Variants in UPF2 observed in about 807,000 individuals in gnomAD.
UPF2 encodes UPF2 regulator of nonsense mediated mRNA decay.
Under a neutral mutation model 141.4 loss-of-function variants are expected in UPF2, and 17 were observed. That is an observed-to-expected ratio of 0.12 (90% confidence interval 0.08 to 0.18). The LOEUF (loss-of-function observed/expected upper bound fraction) is 0.18, where lower values mean the gene tolerates loss of function less well. Ranked by LOEUF, UPF2 falls within the 10% of genes least tolerant of loss-of-function variation. UPF2 has a pLI of 1.00. For missense variants in UPF2, 1,152 were observed against 1,515.9 expected, an observed-to-expected ratio of 0.76 and a Z score of 3.99; for synonymous variants, 540 against 498.0, an observed-to-expected ratio of 1.08 and a Z score of -1.12.
At chr10:12,020,553 T>C (rs1044937870) in intron 3 of UPF2, among the ~76,000 whole-genome samples, 1 of 152,186 alleles carries the variant, frequency 6.6e-6, no homozygotes, top group Admixed American at 6.5e-5. Context: ...TATAAAATCA[T>C]AAAAAGACAG....
chr10:11,932,712 T>C (rs1415193961), intron 19 of UPF2, among the ~76,000 whole-genome samples: 1 of 152,146 alleles, frequency 6.6e-6, no homozygotes, highest in Non-Finnish European at 1.5e-5. Flanking sequence ...GATAAAAATA[T>C]TGAAGTCACT....
intron 1 of UPF2, among the ~76,000 whole-genome samples, chr10:12,038,922 C>T (rs1420132900): frequency 7.3e-6 from 1 of 136,724 alleles, no homozygotes; most frequent in Admixed American, 7.1e-5. Flanking sequence ...CCGCCTCGGC[C>T]TTCCAAAGTG....
chr10:11,924,525 C>A (rs1370415343), intron 21 of UPF2, among the ~76,000 whole-genome samples: 1 of 151,962 alleles, frequency 6.6e-6, no homozygotes, highest in Non-Finnish European at 1.5e-5. Flanking sequence ...GTGCACTGAA[C>A]TGAGATTGTG....
chr10:12,003,827 AAGC>A (rs1259360644), intron 5 of UPF2, among the ~76,000 whole-genome samples: 1 of 140,670 alleles, frequency 7.1e-6, no homozygotes, highest in African/African-American at 2.7e-5. Context: ...TGGGAGGCTA[AAGC>A]AGGAGAATCA....
chr10:11,999,371 G>A (rs1005928270), intron 7 of UPF2, among the ~76,000 whole-genome samples: 3 of 151,640 alleles, frequency 2.0e-5, no homozygotes, highest in South Asian at 2.1e-4. Context: ...AAAATTAGCC[G>A]GCATGATGGC....
chr10:12,036,990 A>ACTC (rs1199307947), intron 1 of UPF2, among the ~76,000 whole-genome samples: 19 of 152,122 alleles, frequency 1.2e-4, no homozygotes, highest in African/African-American at 4.6e-4. Context: ...ACGCCATTGG[A>ACTC]CTCCAGCCTG....
At chr10:11,963,883 C>T in intron 11 of UPF2, 126 bp downstream of exon 11, 1 of 664,334 alleles carries the variant, frequency 1.5e-6, no homozygotes, top group Non-Finnish European at 2.5e-6. Context: ...GGATGTTCCA[C>T]TTTAAGTAGA....
intron 1 of UPF2, among the ~76,000 whole-genome samples, chr10:12,040,142 T>C (rs1046800858): frequency 2.6e-5 from 4 of 152,010 alleles, no homozygotes; most frequent in Non-Finnish European, 5.9e-5. Context: ...GACTCGGGGC[T>C]GGGCATGGTG....
In UPF2 at chr10:12,029,002, A is replaced by G. The variant is rs1319040846; in HGVS notation, c.888T>C (p.Asn296=). 1 of 1,614,224 alleles carries G rather than the reference A, an allele frequency of 6.2e-7. No homozygotes were observed. Among genetic ancestry groups the G allele is most frequent in the Admixed American group, 1.7e-5 (1 of 60,020 alleles). The change falls in exon 3 of 22, where the codon AAT becomes AAC. Residue 296 remains asparagine, a synonymous_variant. Coordinates refer to ENST00000357604, the MANE Select transcript of UPF2 (RefSeq NM_015542.4). ...LIYEQLKNII[N]ADRESHTHVS... ...CATGAGTGTGGGACTCCCGATCAGC[A>G]TTAATAATATTTTTTAGCTGTTCAT...
chr10:11,922,634 ACAAT>A (rs1428299572), intron 21 of UPF2, among the ~76,000 whole-genome samples: 1 of 152,208 alleles, frequency 6.6e-6, no homozygotes, highest in East Asian at 1.9e-4. Context: ...TTATAAGCAA[ACAAT>A]CATTCTGAGT....
rs1309651298 is a variant in UPF2, at chr10:11,921,325, G to A, written c.3810-18C>T. On this transcript the variant is annotated intron_variant, in intron 21 of 21. Coordinates refer to ENST00000357604, the MANE Select transcript of UPF2 (RefSeq NM_015542.4). This position sits in a 1 kb window ranked among gnomAD's most constrained non-coding sequence, Gnocchi z 5.9. ...AACGTCTCCTAAAGGAACAAACAGGGTCACATCAGAGAGCTTACTGCCACA... is the reference window on the plus strand; with the variant it reads ...AACGTCTCCTAAAGGAACAAACAGGATCACATCAGAGAGCTTACTGCCACA... 6.2e-7 allele frequency: 1 copy of A among 1,614,084 alleles called. No homozygotes were observed. The highest frequency in any genetic ancestry group is 8.5e-7 in the Non-Finnish European group (1 of 1,180,014).
chr10:11,953,482 C>T lies in UPF2; in HGVS notation c.2851-1233G>A, dbSNP rs1017593966. On this transcript the variant is annotated intron_variant, in intron 14 of 21. Coordinates refer to ENST00000357604, the MANE Select transcript of UPF2 (RefSeq NM_015542.4). The surrounding 1 kb of genome is among the most constrained non-coding windows in gnomAD (Gnocchi z 5.0). ...TCACCCAGGCCTCACTCACTTCTGA[C>T]TCCAATTCCTAGGTATGGCTCTGTT... 6.6e-6 allele frequency among the ~76,000 whole-genome samples: 1 copy of T among 152,240 alleles called. No individual in the cohort carries two copies. The highest frequency in any genetic ancestry group is 1.5e-5 in the Non-Finnish European group (1 of 68,046).
intron 1 of UPF2, chr10:12,035,738 A>AAAAG: frequency 4.7e-6 from 1 of 214,900 alleles, no homozygotes. Context: ...CCCATCACTC[A>AAAAG]GATTCAGCCA....
chr10:12,031,159 G>A (rs1834515687), intron 2 of UPF2, among the ~76,000 whole-genome samples: 1 of 129,474 alleles, frequency 7.7e-6, no homozygotes. Flanking sequence ...GGGCGAAAGA[G>A]CAAGACTCCA....
chr10:11,925,789 T>C (rs1169278636), intron 21 of UPF2, among the ~76,000 whole-genome samples: 1 of 152,148 alleles, frequency 6.6e-6, no homozygotes, highest in African/African-American at 2.4e-5. Context: ...AAAGGTCAGC[T>C]AGGCTGCAGC....
chr10:11,930,710 G>T (rs770053433), intron 20 of UPF2, among the ~76,000 whole-genome samples: 6 of 152,180 alleles, frequency 3.9e-5, no homozygotes, highest in Non-Finnish European at 7.4e-5. Flanking sequence ...GAGCCCAGGA[G>T]TTTGAGGCTG....
intron 21 of UPF2, among the ~76,000 whole-genome samples, chr10:11,927,787 C>A (rs1832731029): frequency 6.6e-6 from 1 of 152,068 alleles, no homozygotes; most frequent in Non-Finnish European, 1.5e-5. Context: ...TTCTACATTA[C>A]AATTTGATTA....
At chr10:12,026,425 C>G (rs1834420527) in intron 3 of UPF2, among the ~76,000 whole-genome samples, 1 of 152,060 alleles carries the variant, frequency 6.6e-6, no homozygotes, top group South Asian at 2.1e-4. Context: ...ATGGAGCAAA[C>G]TGAAAGAACT....
chr10:12,042,490 G>A lies in UPF2; in HGVS notation c.-19+265C>T, dbSNP rs1362311492. Among the ~76,000 whole-genome samples the A allele has an allele frequency of 6.6e-6, 1 of 152,138 alleles. No individual in the cohort carries two copies. The highest frequency in any genetic ancestry group is 1.5e-5 in the Non-Finnish European group (1 of 68,014). ...GCCTCCAGTCTCGAGGCCCGGCCCA[G>A]GCATGTGGGGCAGGCACCTCCTCCA... is the stretch of plus-strand genomic sequence containing the variant. On this transcript the variant is annotated intron_variant, in intron 1 of 21. Transcript: ENST00000357604. This position sits in a 1 kb window ranked among gnomAD's most constrained non-coding sequence, Gnocchi z 5.5.
Sources: allele counts gnomAD v4.1 joint callset (sites outside exome capture counted in the v4.1 genomes callset), GRCh38; gene constraint gnomAD v4.1.1; non-coding constraint Gnocchi (gnomAD v3.1); transcripts MANE v1.5; gene names NCBI Gene and HGNC (gene_info 2026-07-23, HGNC 2026-07-21).